Variants in FBXO25 observed in about 807,000 individuals in gnomAD.
FBXO25 encodes F-box only protein 25.
FBXO25 carries 45 observed loss-of-function variants against 51.9 expected under a neutral mutation model. The ratio of observed to expected loss-of-function variants is 0.87; its 90% CI spans 0.68 to 1.11. The LOEUF (loss-of-function observed/expected upper bound fraction) is 1.11, where lower values mean the gene tolerates loss of function less well. Among genes scored for constraint, FBXO25 ranks in the 50% most tolerant of loss-of-function variants. The pLI is 0.00. For synonymous variants in FBXO25, 199 were observed against 151.0 expected, an observed-to-expected ratio of 1.32 and a Z score of -2.33; for missense variants, 507 against 428.5, an observed-to-expected ratio of 1.18 and a Z score of -1.62.
In FBXO25 at chr8:458,512, G is replaced by A. The variant is rs550353211; in HGVS notation, c.804G>A (p.Leu268=). Residue 268 remains leucine, a synonymous_variant, in exon 8 of 10, where the codon CTG becomes CTA. Transcript: ENST00000350302. ...ATATGCTTAGTGAAGACAGACAGCT[G>A]TGGAAGAAGCTTTGTCAGTACCATT... is the stretch of plus-strand genomic sequence containing the variant. ...TLYMLSEDRQ[L]WKKLCQYHFA... is the part of the protein sequence containing the mutation. 1.9e-6 allele frequency: 3 copies of A among 1,614,200 alleles called. No individual in the cohort carries two copies. The African/African-American group carries it at 4.0e-5, about 22-fold the overall frequency.
chr8:411,455 C>T (rs144860767), intron 1 of FBXO25, among the ~76,000 whole-genome samples: 2,365 of 152,066 alleles, frequency 0.016, 46 homozygotes, highest in African/African-American at 0.055. Flanking sequence ...ATTTCCCTCT[C>T]GACATATTCT....
In FBXO25 at chr8:477,404, C is replaced by CAGAA. The variant is rs1276942051; in HGVS notation, c.*8600_*8601insAGAA. ...GAACTATCCATTTCTTCCTTTGATT[C>CAGAA]TGTCAATGTTTGTTTCATATATTTT... On this transcript the variant is annotated 3_prime_UTR_variant, in exon 10 of 10. Transcript: ENST00000350302. The CAGAA allele has an allele frequency of 6.6e-6, 1 of 152,238 alleles. No individual in the cohort carries two copies. Among genetic ancestry groups the CAGAA allele is most frequent in the Non-Finnish European group, 1.5e-5 (1 of 68,050 alleles). The allele number at this position is 152,238 out of a possible 1,614,324, so 9.4% of individuals were successfully genotyped here.
chr8:458,118 A>C (rs745633562), intron 7 of FBXO25, among the ~76,000 whole-genome samples: 1 of 152,176 alleles, frequency 6.6e-6, no homozygotes, highest in Non-Finnish European at 1.5e-5. Context: ...TCGCATGGGG[A>C]GGTGCAGCAG....
chr8:435,623 C>T lies in FBXO25; in HGVS notation c.297C>T (p.Gly99=). 2 of 1,605,502 alleles carry T rather than the reference C, an allele frequency of 1.2e-6. No homozygotes were observed. The highest frequency in any genetic ancestry group is 2.3e-5 in the South Asian group (2 of 88,784). The part of the protein sequence containing the change: ...VHKESTKERH[G]YCTLGEAFNR... ...CTGTGTTGCTTTTCCAGAGGCATGGCTATTGCACCTTGGGAGAAGCCTTTA... is the reference window on the plus strand; with the variant it reads ...CTGTGTTGCTTTTCCAGAGGCATGGTTATTGCACCTTGGGAGAAGCCTTTA... Residue 99 remains glycine, a synonymous_variant, in exon 5 of 10, where the codon GGC becomes GGT. Coordinates refer to ENST00000350302, the MANE Select transcript of FBXO25 (RefSeq NM_183420.2).
intron 2 of FBXO25, among the ~76,000 whole-genome samples, chr8:422,855 G>C (rs1797237005): frequency 6.6e-6 from 1 of 152,110 alleles, no homozygotes; most frequent in African/African-American, 2.4e-5. Flanking sequence ...GCTATATGGA[G>C]CTTTCTATGG....
At chr8:415,426 G>A (rs1289893426) in intron 2 of FBXO25, among the ~76,000 whole-genome samples, 1 of 152,154 alleles carries the variant, frequency 6.6e-6, no homozygotes, top group Non-Finnish European at 1.5e-5. Flanking sequence ...ATATTACTGA[G>A]GTTTAAACAT....
chr8:471,868 G>C lies in FBXO25; in HGVS notation c.*3064G>C, dbSNP rs1045074507. 6 of 152,202 alleles carry C rather than the reference G, an allele frequency of 3.9e-5. No homozygotes were observed. Among genetic ancestry groups the C allele is most frequent in the African/African-American group, 7.2e-5 (3 of 41,446 alleles). The allele number at this position is 152,202 out of a possible 1,614,324, so 9.4% of individuals were successfully genotyped here. The stretch of plus-strand genomic sequence containing the variant: ...TGTACAGGGCTGTACACAGCAAACT[G>C]TGTCTACTTTATGGAAAAAATTTAA... On this transcript the variant is annotated 3_prime_UTR_variant, in exon 10 of 10. Coordinates refer to ENST00000350302, the MANE Select transcript of FBXO25 (RefSeq NM_183420.2).
rs763221484 is a variant in FBXO25 at position 474,001 on chromosome 8, C to G, written c.*5197C>G. On this transcript the variant is annotated 3_prime_UTR_variant, in exon 10 of 10. Transcript: ENST00000350302. ...GTGTGCAATTTAGTGGCATTAAATACATTCATACTGTGCAACCTTCTCTAC... is the reference window on the plus strand; with the variant it reads ...GTGTGCAATTTAGTGGCATTAAATAGATTCATACTGTGCAACCTTCTCTAC... 1 of 152,186 alleles carries G rather than the reference C, an allele frequency of 6.6e-6. No homozygotes were observed. The highest frequency in any genetic ancestry group is 1.5e-5 in the Non-Finnish European group (1 of 68,074). 9.4% of individuals were successfully genotyped at this position (152,186 alleles called of 1,614,324 possible).
At position 471,715 on chromosome 8, in the gene FBXO25, C is replaced by G. The variant is rs1464378347; in HGVS notation, c.*2911C>G. 6.6e-6 allele frequency: 1 copy of G among 152,168 alleles called. No individual in the cohort carries two copies. The highest frequency in any genetic ancestry group is 2.4e-5 in the African/African-American group (1 of 41,432). The allele number at this position is 152,168 out of a possible 1,614,324, so 9.4% of individuals were successfully genotyped here. On this transcript the variant is annotated 3_prime_UTR_variant, in exon 10 of 10. Coordinates refer to ENST00000350302, the MANE Select transcript of FBXO25 (RefSeq NM_183420.2). ...TATTTTGAGTCAAAAAGTCACATTC[C>G]TCACCTAATTTATGAATACACACAA... is the stretch of plus-strand genomic sequence containing the variant.
At chr8:407,320 C>A (rs1395149805) in intron 1 of FBXO25, 2 of 967,452 alleles carry the variant, frequency 2.1e-6, no homozygotes, top group East Asian at 1.2e-4. Flanking sequence ...TTGTCGCGGG[C>A]GCGTCAGGTG....
At position 476,338 on chromosome 8, in the gene FBXO25, AGTGTCTTTGTCTG is replaced by A. The variant is rs1800642481; in HGVS notation, c.*7537_*7549del. ...CTGATGTGTGGTGTTTTTTTCTTATAGTGTCTTTGTCTGGTTTTGGTATCAGAATAATGATGGC... is the reference window on the plus strand; with the variant it reads ...CTGATGTGTGGTGTTTTTTTCTTATAGTTTTGGTATCAGAATAATGATGGC... On this transcript the variant is annotated 3_prime_UTR_variant, in exon 10 of 10. Coordinates refer to ENST00000350302, the MANE Select transcript of FBXO25 (RefSeq NM_183420.2). 1 of 144,998 alleles carries A rather than the reference AGTGTCTTTGTCTG, an allele frequency of 6.9e-6. No individual in the cohort carries two copies. The highest frequency in any genetic ancestry group is 2.7e-5 in the African/African-American group (1 of 36,916). The allele number at this position is 144,998 out of a possible 1,614,324, so 9.0% of individuals were successfully genotyped here. A position where few individuals can be genotyped will look rare whatever the true frequency, so the allele number is the denominator to read the frequency against.
At position 477,306 on chromosome 8, in the gene FBXO25, G is replaced by A. The variant is rs1800674034; in HGVS notation, c.*8502G>A. On this transcript the variant is annotated 3_prime_UTR_variant, in exon 10 of 10. Coordinates refer to ENST00000350302, the MANE Select transcript of FBXO25 (RefSeq NM_183420.2). ...TATGATGCTGTTCAAGTTCTGTCTT[G>A]CGACTGATCTTCTGTCTGGTTGTCC... is the stretch of plus-strand genomic sequence containing the variant. The A allele has an allele frequency of 6.6e-6, 1 of 152,190 alleles. No individual in the cohort carries two copies. Among genetic ancestry groups the A allele is most frequent in the Non-Finnish European group, 1.5e-5 (1 of 68,046 alleles). 9.4% of individuals were successfully genotyped at this position (152,190 alleles called of 1,614,324 possible).
intron 6 of FBXO25, 171 bp from the exon 7 acceptor site, chr8:451,098 T>G: frequency 1.7e-6 from 1 of 573,768 alleles, no homozygotes; most frequent in South Asian, 2.6e-5. Context: ...ATGCTGAATA[T>G]GTGTGAGAAT....
chr8:412,986 T>A, intron 1 of FBXO25, 87 bp from the exon 2 acceptor site: 1 of 1,074,624 alleles, frequency 9.3e-7, no homozygotes. Flanking sequence ...TTAAGAACTT[T>A]AATCTTTAAA....
intron 5 of FBXO25, among the ~76,000 whole-genome samples, chr8:437,145 C>G (rs1009568553): frequency 1.3e-5 from 2 of 152,108 alleles, no homozygotes; most frequent in Admixed American, 6.5e-5. Flanking sequence ...AACAGAAATA[C>G]CTACTTTAGC....
intron 2 of FBXO25, among the ~76,000 whole-genome samples, chr8:429,974 G>C (rs1194883608): frequency 3.9e-5 from 6 of 152,224 alleles, no homozygotes; most frequent in Non-Finnish European, 7.3e-5. Context: ...GTTGGTTCCA[G>C]CTCAGTGTGT....
Position 470,512 on chromosome 8 carries a change from C to G in FBXO25, c.*1708C>G, listed in dbSNP as rs1324571066. The G allele has an allele frequency of 6.6e-6, 1 of 151,916 alleles. No individual in the cohort carries two copies. The highest frequency in any genetic ancestry group is 6.6e-5 in the Admixed American group (1 of 15,220). The allele number at this position is 151,916 out of a possible 1,614,324, so 9.4% of individuals were successfully genotyped here. On this transcript the variant is annotated 3_prime_UTR_variant, in exon 10 of 10. Transcript: ENST00000350302. ...CTCCCACCTCAGCCTCCCAAGCAGT[C>G]AGGACCACAGGCATATACCACCATG...
intron 5 of FBXO25, among the ~76,000 whole-genome samples, chr8:442,559 C>G (rs533671763): frequency 6.6e-6 from 1 of 152,152 alleles, no homozygotes; most frequent in South Asian, 2.1e-4. Context: ...AACTTCCGCC[C>G]CCCGGGTTCA....
chr8:477,933 A>G lies in FBXO25; in HGVS notation c.*9129A>G, dbSNP rs926130040. On this transcript the variant is annotated 3_prime_UTR_variant, in exon 10 of 10. Transcript: ENST00000350302. ...CAACCTGATTTATACTTTTGTATCT[A>G]TTTGACATTTTCCATTAAAAGTTAT... 7.9e-5 allele frequency: 12 copies of G among 152,178 alleles called. No homozygotes were observed. Among genetic ancestry groups the G allele is most frequent in the African/African-American group, 2.9e-4 (12 of 41,442 alleles). The allele number at this position is 152,178 out of a possible 1,614,324, so 9.4% of individuals were successfully genotyped here. A position where few individuals can be genotyped will look rare whatever the true frequency, so the allele number is the denominator to read the frequency against.
Sources: gnomAD v4.1 joint callset for allele counts (sites outside exome capture counted in the v4.1 genomes callset) on GRCh38, gnomAD v4.1.1 for gene constraint, MANE v1.5 for transcripts, NCBI Gene and HGNC (gene_info 2026-07-23, HGNC 2026-07-21) for gene names.